The following TENM4 variants were observed in gnomAD, a reference collection of about 807,000 sequenced individuals.
TENM4 encodes teneurin-4.
TENM4 carries 82 observed loss-of-function variants against 243.3 expected under a neutral mutation model. The ratio of observed to expected loss-of-function variants is 0.34; its 90% CI spans 0.28 to 0.40. The LOEUF is 0.40. TENM4 is among the 10% of genes least tolerant of loss of function. The pLI, the probability that TENM4 is intolerant of heterozygous loss-of-function variation, is 1.00. For synonymous variants in TENM4, 1,412 were observed against 1,456.3 expected, an observed-to-expected ratio of 0.97 and a Z score of 0.69; for missense variants, 3,138 against 3,673.3, an observed-to-expected ratio of 0.85 and a Z score of 3.77.
chr11:78,998,602 T>C (rs1361074647), intron 6 of TENM4, among the ~76,000 whole-genome samples: 3 of 131,544 alleles, frequency 2.3e-5, no homozygotes, highest in Non-Finnish European at 5.1e-5. Context: ...GACTCAGTGG[T>C]GTTATCATCC....
At chr11:78,978,867 C>T (rs1268918881) in intron 6 of TENM4, among the ~76,000 whole-genome samples, 8 of 151,940 alleles carry the variant, frequency 5.3e-5, no homozygotes, top group Non-Finnish European at 1.2e-4. Context: ...GGGTTTCTTG[C>T]TTTCTGGAGT....
intron 2 of TENM4, among the ~76,000 whole-genome samples, chr11:79,226,390 G>T (rs1410566206): frequency 1.3e-5 from 2 of 152,220 alleles, no homozygotes; most frequent in Non-Finnish European, 2.9e-5. Context: ...TACTCTGAGG[G>T]AACGCAAGCT....
intron 9 of TENM4, among the ~76,000 whole-genome samples, chr11:78,881,184 C>T (rs995522886): frequency 1.6e-4 from 24 of 152,188 alleles, no homozygotes; most frequent in African/African-American, 5.1e-4. Flanking sequence ...CCTAAGAGCA[C>T]AGTCAGAGCC....
intron 6 of TENM4, among the ~76,000 whole-genome samples, chr11:79,052,343 T>C (rs752936484): frequency 4.6e-5 from 7 of 152,226 alleles, no homozygotes; most frequent in Non-Finnish European, 1.0e-4. Flanking sequence ...TATCTCATTG[T>C]GGTTTTGATT....
intron 2 of TENM4, among the ~76,000 whole-genome samples, chr11:79,283,670 T>C (rs778585269): frequency 6.6e-6 from 1 of 152,222 alleles, no homozygotes; most frequent in Non-Finnish European, 1.5e-5. Flanking sequence ...GTGACTGCTC[T>C]CATCACTTCT....
chr11:78,758,129 G>C (rs916382731), intron 18 of TENM4, among the ~76,000 whole-genome samples: 16 of 152,194 alleles, frequency 1.1e-4, no homozygotes, highest in Non-Finnish European at 2.2e-4. Flanking sequence ...TATGTGCTTT[G>C]TCGGCAGACA....
chr11:78,787,865 C>T (rs112863115), intron 15 of TENM4, among the ~76,000 whole-genome samples: 2,681 of 152,224 alleles, frequency 0.018, 71 homozygotes, highest in African/African-American at 0.062. Context: ...ACACAGGGCC[C>T]GATTCACAAG....
intron 16 of TENM4, among the ~76,000 whole-genome samples, chr11:78,781,291 C>T (rs577160906): frequency 1.3e-5 from 2 of 152,310 alleles, no homozygotes; most frequent in Admixed American, 1.3e-4. Flanking sequence ...ATTCCTGCAT[C>T]TTTCTCTTCA....
intron 4 of TENM4, among the ~76,000 whole-genome samples, chr11:79,130,026 C>T (rs995260551): frequency 1.3e-5 from 2 of 152,164 alleles, no homozygotes; most frequent in Admixed American, 1.3e-4. Flanking sequence ...CTGGTATACA[C>T]CACTGAGAGA....
intron 2 of TENM4, among the ~76,000 whole-genome samples, chr11:79,237,105 T>G (rs1229226435): frequency 6.6e-6 from 1 of 152,178 alleles, no homozygotes; most frequent in African/African-American, 2.4e-5. Flanking sequence ...ACAGAATAGA[T>G]TCTGTTGTCT....
intron 12 of TENM4, among the ~76,000 whole-genome samples, chr11:78,834,740 A>G (rs1858062975): frequency 6.6e-6 from 1 of 152,146 alleles, no homozygotes; most frequent in African/African-American, 2.4e-5. Context: ...TGATATCTCT[A>G]CGGAACAAGC....
In TENM4 at chr11:79,336,939, C is replaced by G. The variant is rs7114758; in HGVS notation, c.-320-39396G>C. Among the ~76,000 whole-genome samples, 415 of 152,298 alleles carry G rather than the reference C, an allele frequency of 2.7e-3. 5 individuals carry two copies. The highest frequency in any genetic ancestry group is 9.6e-3 in the African/African-American group (398 of 41,562). On this transcript the variant is annotated intron_variant, in intron 1 of 33. Transcript: ENST00000278550. ...TTTCCAAGGCTGAGACCCAGCCCCA[C>G]TCAGGGGCACAGCATGGAACCACTT...
At chr11:79,193,283 G>C (rs1300511711) in intron 3 of TENM4, 1 of 152,262 alleles carries the variant, frequency 6.6e-6, no homozygotes, top group East Asian at 1.9e-4. Context: ...CTCACAAGTA[G>C]TGAGGTGGGC....
At chr11:78,675,138 A>T (rs138530447) in intron 30 of TENM4, among the ~76,000 whole-genome samples, 3,652 of 152,208 alleles carry the variant, frequency 0.024, 58 homozygotes, top group Non-Finnish European at 0.038. Context: ...AAGTGCTGGG[A>T]TTACAGGTAT....
At chr11:78,966,403 C>T (rs1857438088) in intron 6 of TENM4, among the ~76,000 whole-genome samples, 1 of 152,070 alleles carries the variant, frequency 6.6e-6, no homozygotes. Context: ...TTTTATAAAA[C>T]AGTGTATGAT....
At chr11:79,186,118 C>T (rs1363864109) in intron 3 of TENM4, among the ~76,000 whole-genome samples, 2 of 152,218 alleles carry the variant, frequency 1.3e-5, no homozygotes, top group African/African-American at 4.8e-5. Context: ...CTCTCTAACT[C>T]CAAAAACTAT....
intron 7 of TENM4, among the ~76,000 whole-genome samples, chr11:78,901,689 A>G (rs529398558): frequency 6.6e-6 from 1 of 152,132 alleles, no homozygotes; most frequent in African/African-American, 2.4e-5. Context: ...TCTTTCAATG[A>G]GCACATTGGA....
At chr11:78,861,290 T>A (rs911661254) in intron 10 of TENM4, among the ~76,000 whole-genome samples, 3 of 152,236 alleles carry the variant, frequency 2.0e-5, no homozygotes, top group Admixed American at 2.0e-4. Flanking sequence ...CAAATCAGAA[T>A]GCACCTTAGA....
At chr11:79,019,844 C>T (rs1307700704) in intron 6 of TENM4, among the ~76,000 whole-genome samples, 2 of 152,102 alleles carry the variant, frequency 1.3e-5, no homozygotes, top group South Asian at 2.1e-4. Flanking sequence ...AGCAAGATTC[C>T]TAGGAGAAAC....
Sources: allele counts gnomAD v4.1 joint callset (sites outside exome capture counted in the v4.1 genomes callset), GRCh38; gene constraint gnomAD v4.1.1; transcripts MANE v1.5; gene names NCBI Gene and HGNC (gene_info 2026-07-23, HGNC 2026-07-21).